MAGOHB: variants seen among roughly 807,000 people sequenced by gnomAD.
MAGOHB encodes protein mago nashi homolog 2.
A neutral mutation model predicts 20.9 loss-of-function variants in MAGOHB; 15 were observed. That is an observed-to-expected ratio of 0.72 (90% CI 0.48 to 1.11). The LOEUF is 1.11. Ranked by LOEUF, MAGOHB falls within the 50% of genes least tolerant of loss-of-function variation. The pLI, the probability that MAGOHB is intolerant of heterozygous loss-of-function variation, is 0.00. For synonymous variants in MAGOHB, 50 were observed against 57.9 expected (o/e 0.86, Z 0.62); for missense variants, 162 against 177.6 (o/e 0.91, Z 0.50).
At chr12:10,599,887 C>CA (rs942384280), downstream of MAGOHB, among the ~76,000 whole-genome samples, 1 of 151,926 alleles carries the variant, frequency 6.6e-6, no homozygotes, top group African/African-American at 2.4e-5. Flanking sequence ...ATATCATTAA[C>CA]AAAAAACTAA....
At chr12:10,609,639 C>T in intron 3 of MAGOHB, 192 bp downstream of exon 3, 2 of 571,170 alleles carry the variant, frequency 3.5e-6, no homozygotes, top group Non-Finnish European at 6.2e-6. Flanking sequence ...GAGCTATGCA[C>T]TGACTCCTTC....
At chr12:10,603,209 G>A (rs1865569825), downstream of MAGOHB, among the ~76,000 whole-genome samples, 1 of 151,792 alleles carries the variant, frequency 6.6e-6, no homozygotes, top group African/African-American at 2.4e-5. Flanking sequence ...AGCTACTCCG[G>A]AGGCTGAGGC....
At chr12:10,611,564 T>C (rs1388622118) in intron 1 of MAGOHB, among the ~76,000 whole-genome samples, 3 of 151,492 alleles carry the variant, frequency 2.0e-5, no homozygotes, top group Non-Finnish European at 2.9e-5. Flanking sequence ...CTGGCCAACA[T>C]GGAGAAACCC....
Position 10,604,885 on chromosome 12 carries a change from G to A in MAGOHB, c.*1390C>T, listed in dbSNP as rs1485162983. ...AAACAGGTTACCAAGCCATGCTCTA[G>A]AGCTATACTGTCCAAACGGTAGCCG... On this transcript the variant is annotated 3_prime_UTR_variant, in exon 5 of 5. Coordinates refer to ENST00000320756, the MANE Select transcript of MAGOHB (RefSeq NM_018048.5). 6.6e-6 allele frequency: 1 copy of A among 152,096 alleles called. No individual in the cohort carries two copies. Among genetic ancestry groups the A allele is most frequent in the African/African-American group, 2.4e-5 (1 of 41,390 alleles). The allele number at this position is 152,096 out of a possible 1,614,324, so 9.4% of individuals were successfully genotyped here.
In MAGOHB at chr12:10,604,844, T is replaced by C. The variant is rs1320657015; in HGVS notation, c.*1431A>G. ...GCATTTTGAGGAGTGAAAAGGACCA[T>C]CTAGTGCTCCATGGCAAACAGGTTA... On this transcript the variant is annotated 3_prime_UTR_variant, in exon 5 of 5. Transcript: ENST00000320756. 2.0e-5 allele frequency: 3 copies of C among 152,162 alleles called. No individual in the cohort carries two copies. Among genetic ancestry groups the C allele is most frequent in the Admixed American group, 6.5e-5 (1 of 15,278 alleles). The allele number at this position is 152,162 out of a possible 1,614,324, so 9.4% of individuals were successfully genotyped here. A position where few individuals can be genotyped will look rare whatever the true frequency, so the allele number is the denominator to read the frequency against.
At chr12:10,611,661 T>A (rs999156728) in intron 1 of MAGOHB, among the ~76,000 whole-genome samples, 9 of 141,474 alleles carry the variant, frequency 6.4e-5, no homozygotes, top group African/African-American at 2.2e-4. Flanking sequence ...GGCAGGAGAA[T>A]CGCTTCAATC....
At position 10,609,961 on chromosome 12, in the gene MAGOHB, A is replaced by C; in HGVS notation, c.154-20T>G. The C allele has an allele frequency of 1.4e-6, 2 of 1,426,280 alleles. No homozygotes were observed. Among genetic ancestry groups the C allele is most frequent in the Non-Finnish European group, 1.9e-6 (2 of 1,027,882 alleles). 88.4% of individuals were successfully genotyped at this position (1,426,280 alleles called of 1,614,324 possible). On this transcript the variant is annotated intron_variant, in intron 2 of 4. Transcript: ENST00000320756. Reference sequence around the variant, plus strand: ...ATAAGCCTAAAAATTAATCATAATAAAATGAGATAATGCCCACCTATGTCA... The same window carrying C: ...ATAAGCCTAAAAATTAATCATAATACAATGAGATAATGCCCACCTATGTCA...
At chr12:10,610,577 C>CAAAAAAAAA (rs541042923) in intron 2 of MAGOHB, 45 bp downstream of exon 2, 85 of 727,904 alleles carry the variant, frequency 1.2e-4, no homozygotes, top group African/African-American at 4.9e-4. Context: ...GGGCTAAATG[C>CAAAAAAAAA]AAAAAAAAAA....
At chr12:10,601,437 C>T (rs1440145157), downstream of MAGOHB, among the ~76,000 whole-genome samples, 1 of 152,094 alleles carries the variant, frequency 6.6e-6, no homozygotes, top group Non-Finnish European at 1.5e-5. Flanking sequence ...CAGAAGGACC[C>T]GGGCTTCCAA....
chr12:10,612,190 A>AATAACATAAT, intron 1 of MAGOHB, among the ~76,000 whole-genome samples: 1 of 141,340 alleles, frequency 7.1e-6, no homozygotes, highest in East Asian at 2.1e-4. Context: ...CTCTACAAAA[A>AATAACATAAT]ATAACATAAC....
At chr12:10,603,773 T>C (rs1182274736), downstream of MAGOHB, among the ~76,000 whole-genome samples, 1 of 152,212 alleles carries the variant, frequency 6.6e-6, no homozygotes, top group African/African-American at 2.4e-5. Context: ...ATCCTTCATT[T>C]ACCTTTGTTG....
chr12:10,600,989 C>A (rs971601001), downstream of MAGOHB, among the ~76,000 whole-genome samples: 7 of 152,194 alleles, frequency 4.6e-5, no homozygotes, highest in African/African-American at 1.4e-4. Context: ...GGCAAAGTTT[C>A]ATGCATGGAG....
chr12:10,609,590 G>A (rs1050121677), intron 3 of MAGOHB: 13 of 506,908 alleles, frequency 2.6e-5, no homozygotes, highest in Admixed American at 1.3e-4. Context: ...ACATCCTAAC[G>A]TTGGCTGGGG....
At chr12:10,600,061 C>T (rs1325124321), downstream of MAGOHB, among the ~76,000 whole-genome samples, 2 of 151,824 alleles carry the variant, frequency 1.3e-5, no homozygotes, top group Non-Finnish European at 1.5e-5. Flanking sequence ...TTTAAAAGTT[C>T]CTTTTTCTAT....
At chr12:10,607,284 A>C (rs1865645489) in intron 4 of MAGOHB, among the ~76,000 whole-genome samples, 1 of 152,204 alleles carries the variant, frequency 6.6e-6, no homozygotes, top group Non-Finnish European at 1.5e-5. Context: ...AGGTTATTAC[A>C]ATTCAGGGTG....
chr12:10,608,190 T>A, intron 3 of MAGOHB: 1 of 282,428 alleles, frequency 3.5e-6, no homozygotes, highest in Admixed American at 5.3e-5. Context: ...GAAGACACTA[T>A]GAAACAAAAT....
chr12:10,612,247 T>TAAC (rs1555146632), intron 1 of MAGOHB, among the ~76,000 whole-genome samples: 1 of 138,958 alleles, frequency 7.2e-6, no homozygotes, highest in Non-Finnish European at 1.6e-5. Context: ...TAACATAACA[T>TAAC]AATTAGCTGG....
intron 4 of MAGOHB, among the ~76,000 whole-genome samples, chr12:10,607,043 T>G (rs973045215): frequency 6.6e-6 from 1 of 152,198 alleles, no homozygotes; most frequent in Non-Finnish European, 1.5e-5. Flanking sequence ...AGGGTATCAA[T>G]GCCACACCCT....
intron 3 of MAGOHB, chr12:10,609,481 AG>A (rs1233016346): frequency 8.0e-6 from 3 of 376,378 alleles, no homozygotes; most frequent in African/African-American, 6.3e-5. Flanking sequence ...TAAGAATTTT[AG>A]AAGTTATGAT....
Sources: gnomAD v4.1 joint callset for allele counts (sites outside exome capture counted in the v4.1 genomes callset) on GRCh38, gnomAD v4.1.1 for gene constraint, MANE v1.5 for transcripts, NCBI Gene and HGNC (gene_info 2026-07-23, HGNC 2026-07-21) for gene names.